Variants in TAFA4 observed in about 807,000 individuals in gnomAD.
TAFA4 encodes the protein chemokine-like protein TAFA-4.
Under a neutral mutation model 21.1 loss-of-function variants are expected in TAFA4, and 20 were observed. The observed-to-expected ratio is 0.95, with a 90% CI of 0.67 to 1.38. The LOEUF is 1.38. TAFA4 is among the 40% of genes most tolerant of loss of function. The probability of loss-of-function intolerance (pLI) is 0.00; values close to 1 mark genes in which losing one functional copy is unlikely to be tolerated. For missense variants in TAFA4, 211 were observed against 180.9 expected (o/e 1.17, Z -0.95); for synonymous variants, 71 against 67.4 (o/e 1.05, Z -0.26).
rs369406426 is a variant in TAFA4, at chr3:68,733,140, C to T, written c.*2G>A. Reference sequence around the variant, plus strand: ...CAGGATTGAAGCACACCTCTCTCTTCGCTACCGCGTTACCTAAAACAAATC... The same window carrying T: ...CAGGATTGAAGCACACCTCTCTCTTTGCTACCGCGTTACCTAAAACAAATC... On this transcript the variant is annotated 3_prime_UTR_variant, in exon 6 of 6. Coordinates refer to ENST00000295569, the MANE Select transcript of TAFA4 (RefSeq NM_182522.5). 4.9e-5 allele frequency: 79 copies of T among 1,613,202 alleles called. No homozygotes were observed. Among genetic ancestry groups the T allele is most frequent in the Admixed American group, 3.3e-4 (20 of 59,968 alleles).
At chr3:68,796,086 G>A (rs1354451552) in intron 3 of TAFA4, among the ~76,000 whole-genome samples, 2 of 152,116 alleles carry the variant, frequency 1.3e-5, no homozygotes, top group Non-Finnish European at 2.9e-5. Flanking sequence ...TGAGCTGCTT[G>A]GAGCTAGGGG....
intron 3 of TAFA4, among the ~76,000 whole-genome samples, chr3:68,766,394 TA>T (rs1702855600): frequency 6.6e-6 from 1 of 152,026 alleles, no homozygotes. Context: ...CAAATCCAGG[TA>T]ATAAGGATCC....
intron 1 of TAFA4, among the ~76,000 whole-genome samples, chr3:68,893,105 G>T (rs1440319738): frequency 2.0e-5 from 3 of 152,116 alleles, no homozygotes; most frequent in Non-Finnish European, 4.4e-5. Context: ...TTTTTAATTG[G>T]AAATTTTCCT....
intron 3 of TAFA4, among the ~76,000 whole-genome samples, chr3:68,804,694 C>A (rs926435023): frequency 6.6e-6 from 1 of 152,126 alleles, no homozygotes; most frequent in African/African-American, 2.4e-5. Flanking sequence ...GAAAAACAAG[C>A]AATGGGGAAA....
intron 3 of TAFA4, among the ~76,000 whole-genome samples, chr3:68,847,857 A>G (rs539572530): frequency 6.6e-6 from 1 of 152,324 alleles, no homozygotes; most frequent in Admixed American, 6.5e-5. Context: ...CTCGTGGACA[A>G]TCCCTGCTTT....
intron 3 of TAFA4, among the ~76,000 whole-genome samples, chr3:68,785,629 G>A (rs1336918294): frequency 6.6e-6 from 1 of 152,240 alleles, no homozygotes; most frequent in Non-Finnish European, 1.5e-5. Context: ...TGCAGCCCCG[G>A]TTCCCGTCCG....
chr3:68,782,565 A>G (rs1461922637), intron 3 of TAFA4, among the ~76,000 whole-genome samples: 1 of 152,238 alleles, frequency 6.6e-6, no homozygotes, highest in Non-Finnish European at 1.5e-5. Flanking sequence ...TTGAAAAAAA[A>G]TTGAGTACTG....
At chr3:68,791,971 C>A (rs1391698070) in intron 3 of TAFA4, among the ~76,000 whole-genome samples, 1 of 152,126 alleles carries the variant, frequency 6.6e-6, no homozygotes, top group East Asian at 1.9e-4. Flanking sequence ...TACCCTAAGG[C>A]AGAGATTTAG....
At chr3:68,819,102 A>T (rs1704053160) in intron 3 of TAFA4, among the ~76,000 whole-genome samples, 1 of 152,074 alleles carries the variant, frequency 6.6e-6, no homozygotes, top group African/African-American at 2.4e-5. Context: ...GCGAAAGCCC[A>T]TCTCTACAAA....
intron 1 of TAFA4, among the ~76,000 whole-genome samples, chr3:68,899,635 TTCAGGCA>T (rs2089825057): frequency 1.3e-5 from 2 of 152,176 alleles, no homozygotes; most frequent in Non-Finnish European, 2.9e-5. Context: ...CAAGGCTTTG[TTCAGGCA>T]TCAGGGAAAC....
At chr3:68,927,892 T>TAAAAAAAAAAA (rs2090124309) in intron 1 of TAFA4, among the ~76,000 whole-genome samples, 1 of 145,236 alleles carries the variant, frequency 6.9e-6, no homozygotes, top group African/African-American at 2.7e-5. Flanking sequence ...AGACACCATC[T>TAAAAAAAAAAA]CAAAAAAAAA....
Position 68,747,495 on chromosome 3 carries a change from C to T in TAFA4, c.286+5368G>A, listed in dbSNP as rs551038516. On this transcript the variant is annotated intron_variant, in intron 4 of 5. Transcript: ENST00000295569. ...CTCTCCTGCCTGCTGCCATGTAAGA[C>T]ATGCCTTTGTTCCTCCTTCACCTTA... 5.6e-4 allele frequency among the ~76,000 whole-genome samples: 86 copies of T among 152,266 alleles called. 1 individual carries two copies. The South Asian group carries it at 0.015, about 26-fold the overall frequency.
chr3:68,769,814 C>A (rs1287016796), intron 3 of TAFA4, among the ~76,000 whole-genome samples: 1 of 152,144 alleles, frequency 6.6e-6, no homozygotes, highest in African/African-American at 2.4e-5. Flanking sequence ...ATCTCTTAGG[C>A]TGTAAGCTCT....
chr3:68,906,738 C>A (rs2089904554), intron 1 of TAFA4, among the ~76,000 whole-genome samples: 1 of 152,026 alleles, frequency 6.6e-6, no homozygotes, highest in Non-Finnish European at 1.5e-5. Context: ...ACAGAACTCA[C>A]TGTCATCTGG....
intron 3 of TAFA4, among the ~76,000 whole-genome samples, chr3:68,824,301 G>A (rs1253217717): frequency 6.6e-6 from 1 of 152,198 alleles, no homozygotes; most frequent in African/African-American, 2.4e-5. Context: ...ACCTCAAGGT[G>A]TCCACAGGGC....
rs539807322 is a variant in TAFA4, at chr3:68,830,297, T to C, written c.130+50433A>G. On this transcript the variant is annotated intron_variant, in intron 3 of 5. Coordinates refer to ENST00000295569, the MANE Select transcript of TAFA4 (RefSeq NM_182522.5). ...GTGATGTTAGGGTGTCAATTTTAGA[T>C]CTTTCCTGCTTTCTCTTGTGGGCAT... Among the ~76,000 whole-genome samples, 81 of 152,376 alleles carry C rather than the reference T, an allele frequency of 5.3e-4. 1 individual carries two copies. The highest frequency in any genetic ancestry group is 1.7e-3 in the African/African-American group (72 of 41,592).
chr3:68,800,863 T>C (rs1056472781), intron 3 of TAFA4, among the ~76,000 whole-genome samples: 2 of 152,166 alleles, frequency 1.3e-5, no homozygotes, highest in Non-Finnish European at 2.9e-5. Context: ...GACAGGGAAC[T>C]GAAAATGAGG....
At chr3:68,745,284 G>A (rs903869726) in intron 4 of TAFA4, among the ~76,000 whole-genome samples, 2 of 152,198 alleles carry the variant, frequency 1.3e-5, no homozygotes, top group African/African-American at 4.8e-5. Flanking sequence ...AGTTACTGGT[G>A]AGAACATCTG....
intron 3 of TAFA4, among the ~76,000 whole-genome samples, chr3:68,789,158 G>A (rs532106762): frequency 6.6e-6 from 1 of 151,862 alleles, no homozygotes; most frequent in African/African-American, 2.4e-5. Context: ...GTGAACCTGG[G>A]AGGCAGAGCT....
Sources: gnomAD v4.1 joint callset for allele counts (sites outside exome capture counted in the v4.1 genomes callset) on GRCh38, gnomAD v4.1.1 for gene constraint, MANE v1.5 for transcripts, NCBI Gene and HGNC (gene_info 2026-07-23, HGNC 2026-07-21) for gene names.